Variants in CIDEA observed in about 807,000 individuals in gnomAD.
CIDEA encodes cell death inducing DFFA like effector a, also known as lipid transferase CIDEA.
In CIDEA, 10 loss-of-function variants were observed where a neutral mutation model predicts 18.2. The ratio of observed to expected loss-of-function variants is 0.55; its 90% CI spans 0.34 to 0.93. CIDEA has a LOEUF of 0.93. Among genes scored for constraint, CIDEA ranks in the 40% least tolerant of loss-of-function variants. CIDEA has a pLI of 0.02. For synonymous variants in CIDEA, 128 were observed against 124.8 expected (o/e 1.03, Z -0.17); for missense variants, 309 against 293.1 (o/e 1.05, Z -0.40).
At chr18:12,272,271 G>GCTGGA (rs1912571891) in intron 3 of CIDEA, among the ~76,000 whole-genome samples, 1 of 151,900 alleles carries the variant, frequency 6.6e-6, no homozygotes, top group Non-Finnish European at 1.5e-5. Flanking sequence ...GGAGTGCAGT[G>GCTGGA]GCGCGATCTC....
chr18:12,268,229 C>CTTTTTTTTTTTTTTTT lies in CIDEA; in HGVS notation c.330+3776_330+3777insTTTTTTTTTTTTTTTT, dbSNP rs1491473988. ...ACAAGTGCCTGCCACCATGCCCGGC[C>CTTTTTTTTTTTTTTTT]ATTTTTTTTTTTTTTTTTTTTTTCA... On this transcript the variant is annotated intron_variant, in intron 3 of 4. Coordinates refer to ENST00000320477, the MANE Select transcript of CIDEA (RefSeq NM_001279.4). Among the ~76,000 whole-genome samples, 6 of 72,998 alleles carry CTTTTTTTTTTTTTTTT rather than the reference C, an allele frequency of 8.2e-5. 1 individual carries two copies. The highest frequency in any genetic ancestry group is 1.0e-4 in the African/African-American group (2 of 20,044). The allele number at this position is 72,998 out of a possible 152,430, so 47.9% of individuals were successfully genotyped here. A position where few individuals can be genotyped will look rare whatever the true frequency, so the allele number is the denominator to read the frequency against.
At chr18:12,256,874 T>C (rs1313528672) in intron 1 of CIDEA, among the ~76,000 whole-genome samples, 1 of 152,222 alleles carries the variant, frequency 6.6e-6, no homozygotes, top group Non-Finnish European at 1.5e-5. Context: ...CTTGATAATG[T>C]CAAGCCTTTA....
chr18:12,259,659 A>C (rs1314058727), intron 1 of CIDEA, among the ~76,000 whole-genome samples: 5 of 152,220 alleles, frequency 3.3e-5, no homozygotes, highest in African/African-American at 1.2e-4. Flanking sequence ...CAGGAGTTGG[A>C]GACAAGCCTG....
At chr18:12,272,160 G>GT (rs1912561371) in intron 3 of CIDEA, among the ~76,000 whole-genome samples, 1 of 14,258 alleles carries the variant, frequency 7.0e-5, no homozygotes, top group African/African-American at 1.3e-4. Flanking sequence ...GGGGGGGGGG[G>GT]GTTGGGGGGG....
chr18:12,257,252 G>A (rs989606702), intron 1 of CIDEA, among the ~76,000 whole-genome samples: 1 of 152,052 alleles, frequency 6.6e-6, no homozygotes, highest in African/African-American at 2.4e-5. Context: ...TTCCTCCCAC[G>A]GTGGCTGCCT....
intron 3 of CIDEA, among the ~76,000 whole-genome samples, chr18:12,270,849 C>T (rs1260027507): frequency 6.6e-6 from 1 of 151,102 alleles, no homozygotes; most frequent in Admixed American, 6.6e-5. Flanking sequence ...CCCCCACAGA[C>T]CACAGACACC....
intron 3 of CIDEA, among the ~76,000 whole-genome samples, chr18:12,271,056 G>T (rs1431542343): frequency 6.6e-6 from 1 of 151,666 alleles, no homozygotes; most frequent in East Asian, 2.0e-4. Context: ...CCACCACCAC[G>T]CCCGGCTAAT....
intron 3 of CIDEA, among the ~76,000 whole-genome samples, chr18:12,269,904 C>T (rs1271960955): frequency 6.6e-6 from 1 of 151,982 alleles, no homozygotes; most frequent in Non-Finnish European, 1.5e-5. Context: ...CTCCATGTTG[C>T]CCAGGCTAAT....
Position 12,277,232 on chromosome 18 carries a change from C to T in CIDEA, c.622C>T (p.Leu208Phe). 4 of 1,614,154 alleles carry T rather than the reference C, an allele frequency of 2.5e-6. No individual in the cohort carries two copies. The highest frequency in any genetic ancestry group is 1.7e-5 in the Admixed American group (1 of 60,028). Residue 208 changes from leucine (L) to phenylalanine (F), a missense_variant, in exon 5 of 5, where the codon CTC becomes TTC. Transcript: ENST00000320477. ...VLDDKEERPS[L>F]RSQAKGRFTC... ...GGATGACAAGGAAGAGCGGCCATCC[C>T]TCCGGTCACAAGCCAAGGGCAGGTT...
intron 1 of CIDEA, 152 bp downstream of exon 1, chr18:12,254,573 C>G (rs756144373): frequency 2.0e-6 from 3 of 1,527,024 alleles, no homozygotes; most frequent in African/African-American, 2.7e-5. Context: ...CCCGCGCACA[C>G]ACCCATCCGC....
rs771335202 is a variant in CIDEA at position 12,270,894 on chromosome 18, CTTTTT to C, written c.331-3180_331-3176del. Among the ~76,000 whole-genome samples, 197 of 60,022 alleles carry C rather than the reference CTTTTT, an allele frequency of 3.3e-3. 1 individual carries two copies. Among genetic ancestry groups the C allele is most frequent in the Non-Finnish European group, 4.4e-3 (152 of 34,902 alleles). The allele number at this position is 60,022 out of a possible 152,430, so 39.4% of individuals were successfully genotyped here. The stretch of plus-strand genomic sequence containing the variant: ...TTTCTTTTCTTTTTCTTTTTCTTTT[CTTTTT>C]TTTTTTTTTTTTTTTTTTGAGACAG... On this transcript the variant is annotated intron_variant, in intron 3 of 4. Transcript: ENST00000320477.
At chr18:12,265,484 T>C (rs1435367219) in intron 3 of CIDEA, among the ~76,000 whole-genome samples, 1 of 152,108 alleles carries the variant, frequency 6.6e-6, no homozygotes, top group Non-Finnish European at 1.5e-5. Context: ...AGGGGTGAGA[T>C]GTGAGGGTCT....
Position 12,274,246 on chromosome 18 carries a change from C to T in CIDEA, c.484C>T (p.Arg162Trp), listed in dbSNP as rs148036220. ...GATGTACTCCGTGTCCTACGACATC[C>T]GGTGCACGGGACTCAAGGGCCTGCT... ...YEMYSVSYDI[R>W]CTGLKGLLRS... The change falls in exon 4 of 5, where the codon CGG becomes TGG. Residue 162 changes from arginine (R) to tryptophan (W), a missense_variant. Arg to Trp is a moderately radical substitution (Grantham distance 101). Coordinates refer to ENST00000320477, the MANE Select transcript of CIDEA (RefSeq NM_001279.4). 10 of 1,614,054 alleles carry T rather than the reference C, an allele frequency of 6.2e-6. No homozygotes were observed. The highest frequency in any genetic ancestry group is 5.3e-5 in the African/African-American group (4 of 74,922).
rs1912642411 is a variant in CIDEA at position 12,274,260 on chromosome 18, C to T, written c.498C>T (p.Leu166=). ...CCTACGACATCCGGTGCACGGGACT[C>T]AAGGGCCTGCTGAGGTAACACACTC... ...SVSYDIRCTG[L]KGLLRSLLRF... The change falls in exon 4 of 5, where the codon CTC becomes CTT. Residue 166 remains leucine, a synonymous_variant. Transcript: ENST00000320477. 6.2e-7 allele frequency: 1 copy of T among 1,614,146 alleles called. No individual in the cohort carries two copies. Among genetic ancestry groups the T allele is most frequent in the Non-Finnish European group, 8.5e-7 (1 of 1,180,006 alleles).
Position 12,274,239 on chromosome 18 carries a change from C to T in CIDEA, c.477C>T (p.Tyr159=), listed in dbSNP as rs143526030. ...ATMYEMYSVS[Y]DIRCTGLKGL... ...TGTATGAGATGTACTCCGTGTCCTACGACATCCGGTGCACGGGACTCAAGG... is the reference window on the plus strand; with the variant it reads ...TGTATGAGATGTACTCCGTGTCCTATGACATCCGGTGCACGGGACTCAAGG... The change falls in exon 4 of 5, where the codon TAC becomes TAT. Residue 159 remains tyrosine, a synonymous_variant. Transcript: ENST00000320477. 3.3e-4 allele frequency: 528 copies of T among 1,614,088 alleles called. No individual in the cohort carries two copies. The highest frequency in any genetic ancestry group is 4.9e-4 in the Middle Eastern group (3 of 6,084).
At chr18:12,264,843 G>A (rs999303813) in intron 3 of CIDEA, among the ~76,000 whole-genome samples, 3 of 152,146 alleles carry the variant, frequency 2.0e-5, no homozygotes, top group Admixed American at 6.5e-5. Context: ...GTGAGCCACC[G>A]CGCCCGGCCA....
At chr18:12,264,822 G>A (rs1912307037) in intron 3 of CIDEA, among the ~76,000 whole-genome samples, 1 of 152,152 alleles carries the variant, frequency 6.6e-6, no homozygotes, top group Admixed American at 6.5e-5. Context: ...CAAAGTGCTG[G>A]GATTACAGGC....
intron 3 of CIDEA, among the ~76,000 whole-genome samples, chr18:12,270,569 A>G (rs970610233): frequency 6.6e-6 from 1 of 151,842 alleles, no homozygotes; most frequent in African/African-American, 2.4e-5. Context: ...GGCACCTGTA[A>G]TCCCAGCTAC....
At chr18:12,254,819 G>A (rs372186493) in intron 1 of CIDEA, 4 of 1,341,462 alleles carry the variant, frequency 3.0e-6, no homozygotes, top group Middle Eastern at 2.1e-4. Context: ...CTTCCGCGAT[G>A]CGAGGGGACC....
Sources: allele counts gnomAD v4.1 joint callset (sites outside exome capture counted in the v4.1 genomes callset), GRCh38; gene constraint gnomAD v4.1.1; transcripts MANE v1.5; gene names NCBI Gene and HGNC (gene_info 2026-07-23, HGNC 2026-07-21).